Variants in LRATD1 observed in about 807,000 individuals in gnomAD.
LRATD1 encodes the protein LRAT domain containing 1.
LRATD1 carries 8 observed loss-of-function variants against 21.3 expected under a neutral mutation model. That is an observed-to-expected ratio of 0.38 (90% CI 0.22 to 0.68). The LOEUF is 0.68. LRATD1 is among the 30% of genes least tolerant of loss of function. The pLI is 0.54. For missense variants in LRATD1, 380 were observed against 404.0 expected, an observed-to-expected ratio of 0.94 and a Z score of 0.51; for synonymous variants, 210 against 186.2, an observed-to-expected ratio of 1.13 and a Z score of -1.04.
intron 4 of LRATD1, among the ~76,000 whole-genome samples, chr2:14,646,755 G>T (rs1671902889): frequency 1.3e-5 from 2 of 152,130 alleles, no homozygotes; most frequent in African/African-American, 4.8e-5. Flanking sequence ...CTGGATGAAG[G>T]ACCTATTTAC....
rs1295892068 is a variant in LRATD1, at chr2:14,633,451, AT to A, written c.-36-491del. On this transcript the variant is annotated intron_variant, in intron 1 of 1. Coordinates refer to ENST00000295092, the MANE Select transcript of LRATD1 (RefSeq NM_145175.4). This position sits in a 1 kb window ranked among gnomAD's most constrained non-coding sequence, Gnocchi z 7.5. ...AAGTGAATGCCTGAGAATGTGTCTG[AT>A]TGTCATTGTGCGAGCCGCTGTAAGG... is the stretch of plus-strand genomic sequence containing the variant. 2 of 158,860 alleles carry A rather than the reference AT, an allele frequency of 1.3e-5. No homozygotes were observed. The highest frequency in any genetic ancestry group is 1.4e-5 in the Non-Finnish European group (1 of 71,882). 9.8% of individuals were successfully genotyped at this position (158,860 alleles called of 1,614,324 possible).
At chr2:14,648,884 CT>C (rs1460815641) in intron 4 of LRATD1, among the ~76,000 whole-genome samples, 1 of 152,136 alleles carries the variant, frequency 6.6e-6, no homozygotes, top group Non-Finnish European at 1.5e-5. Context: ...CAAAACTATC[CT>C]GTTTTTTTGA....
intron 4 of LRATD1, among the ~76,000 whole-genome samples, chr2:14,648,726 C>T (rs1157414940): frequency 6.6e-6 from 1 of 152,134 alleles, no homozygotes; most frequent in African/African-American, 2.4e-5. Context: ...GATTCAGGAC[C>T]ACACTTTGAG....
chr2:14,634,774 C>T lies in LRATD1; in HGVS notation c.795C>T (p.Leu265=). 2 of 1,597,780 alleles carry T rather than the reference C, an allele frequency of 1.3e-6. No homozygotes were observed. Among genetic ancestry groups the T allele is most frequent in the Non-Finnish European group, 1.7e-6 (2 of 1,171,020 alleles). ...HTARFHSLED[L]IREKRRIDAS... is the part of the protein sequence containing the mutation. Reference sequence around the variant, plus strand: ...CCAGGTTTCACAGCCTGGAAGACCTCATCCGCGAGAAGCGCCGTATCGACG... The same window carrying T: ...CCAGGTTTCACAGCCTGGAAGACCTTATCCGCGAGAAGCGCCGTATCGACG... The change falls in exon 2 of 2, where the codon CTC becomes CTT. Residue 265 remains leucine, a synonymous_variant. Transcript: ENST00000295092.
downstream of LRATD1, among the ~76,000 whole-genome samples, chr2:14,644,919 A>AATT (rs1490012490): frequency 6.6e-6 from 1 of 152,194 alleles, no homozygotes; most frequent in Admixed American, 6.5e-5. Flanking sequence ...CCAAAGTAGA[A>AATT]ATAATAATTG....
chr2:14,632,910 T>C lies in LRATD1; in HGVS notation c.-64T>C, dbSNP rs575234118. ...GGGACCAGGAGACTTTAAAGGAGTTTGGGGTTTCGGGAGCAGGGAAATCAC... is the reference window on the plus strand; with the variant it reads ...GGGACCAGGAGACTTTAAAGGAGTTCGGGGTTTCGGGAGCAGGGAAATCAC... On this transcript the variant is annotated 5_prime_UTR_variant, in exon 1 of 2. Transcript: ENST00000295092. The C allele has an allele frequency of 6.6e-6, 1 of 152,662 alleles. No homozygotes were observed. The highest frequency in any genetic ancestry group is 1.9e-4 in the East Asian group (1 of 5,160). 9.5% of individuals were successfully genotyped at this position (152,662 alleles called of 1,614,324 possible). A position where few individuals can be genotyped will look rare whatever the true frequency, so the allele number is the denominator to read the frequency against.
Position 14,635,365 on chromosome 2 carries a change from G to T in LRATD1, c.*507G>T. 1 of 474,412 alleles carries T rather than the reference G, an allele frequency of 2.1e-6. No homozygotes were observed. Among genetic ancestry groups the T allele is most frequent in the Non-Finnish European group, 4.4e-6 (1 of 229,424 alleles). The allele number at this position is 474,412 out of a possible 1,614,324, so 29.4% of individuals were successfully genotyped here. A position where few individuals can be genotyped will look rare whatever the true frequency, so the allele number is the denominator to read the frequency against. On this transcript the variant is annotated 3_prime_UTR_variant, in exon 2 of 2. Transcript: ENST00000295092. ...CGTCCCCAGATCGCAGGATTTCCAA[G>T]AAATCGAGCCTGTCCCTTGTGCACT... is the stretch of plus-strand genomic sequence containing the variant.
downstream of LRATD1, among the ~76,000 whole-genome samples, chr2:14,643,448 A>G (rs557270387): frequency 9.2e-5 from 14 of 152,088 alleles, no homozygotes; most frequent in South Asian, 2.1e-4. Flanking sequence ...CCCTCCTCCA[A>G]CCTCAACACC....
exon 5 of LRATD1, chr2:14,649,411 A>G (rs758757992): frequency 1.5e-5 from 7 of 455,490 alleles, no homozygotes; most frequent in Non-Finnish European, 3.1e-5. Context: ...GACCTGGGTG[A>G]ATGTACTCTT....
Position 14,636,212 on chromosome 2 carries a change from A to T in LRATD1, c.*1354A>T, listed in dbSNP as rs914123703. The T allele has an allele frequency of 5.8e-6, 1 of 172,058 alleles. No homozygotes were observed. Among genetic ancestry groups the T allele is most frequent in the African/African-American group, 2.4e-5 (1 of 41,410 alleles). 10.7% of individuals were successfully genotyped at this position (172,058 alleles called of 1,614,324 possible). ...TCAACAGCAGCCCTAGTAATGGTGGAGTTGTTAATTAATGTGTATATTGTA... is the reference window on the plus strand; with the variant it reads ...TCAACAGCAGCCCTAGTAATGGTGGTGTTGTTAATTAATGTGTATATTGTA... On this transcript the variant is annotated 3_prime_UTR_variant, in exon 2 of 2. Coordinates refer to ENST00000295092, the MANE Select transcript of LRATD1 (RefSeq NM_145175.4).
downstream of LRATD1, among the ~76,000 whole-genome samples, chr2:14,651,477 AG>A (rs571652885): frequency 3.3e-5 from 5 of 152,256 alleles, no homozygotes; most frequent in South Asian, 1.0e-3. Flanking sequence ...TGCTTTCCAG[AG>A]TGATTCCTCC....
Position 14,638,788 on chromosome 2 carries a change from A to C in LRATD1, c.*3930A>C, listed in dbSNP as rs1447795604. The C allele has an allele frequency of 1.2e-5, 2 of 167,026 alleles. No homozygotes were observed. Among genetic ancestry groups the C allele is most frequent in the Non-Finnish European group, 2.9e-5 (2 of 68,096 alleles). The allele number at this position is 167,026 out of a possible 1,614,324, so 10.3% of individuals were successfully genotyped here. On this transcript the variant is annotated 3_prime_UTR_variant, in exon 2 of 2. Transcript: ENST00000295092. ...TCTCTTTTTTGAACAAATGAAGAGAATCCAGTTAGTTTTTGCCTTTCAGAG... is the reference window on the plus strand; with the variant it reads ...TCTCTTTTTTGAACAAATGAAGAGACTCCAGTTAGTTTTTGCCTTTCAGAG...
downstream of LRATD1, among the ~76,000 whole-genome samples, chr2:14,644,602 A>C (rs1285665638): frequency 6.6e-6 from 1 of 152,160 alleles, no homozygotes; most frequent in Non-Finnish European, 1.5e-5. Context: ...ACTTGTAGAC[A>C]TGGTCTTTGA....
At position 14,636,306 on chromosome 2, in the gene LRATD1, C is replaced by A. The variant is rs1671687631; in HGVS notation, c.*1448C>A. The stretch of plus-strand genomic sequence containing the variant: ...TGGTGGAAATTGCTAGCAGGTTCCA[C>A]GATGTTTATTTTTTTCTCCATGTTG... On this transcript the variant is annotated 3_prime_UTR_variant, in exon 2 of 2. Coordinates refer to ENST00000295092, the MANE Select transcript of LRATD1 (RefSeq NM_145175.4). 6.0e-6 allele frequency: 1 copy of A among 167,020 alleles called. No homozygotes were observed. Among genetic ancestry groups the A allele is most frequent in the Non-Finnish European group, 1.5e-5 (1 of 68,192 alleles). 10.3% of individuals were successfully genotyped at this position (167,020 alleles called of 1,614,324 possible). A position where few individuals can be genotyped will look rare whatever the true frequency, so the allele number is the denominator to read the frequency against.
intron 2 of LRATD1, among the ~76,000 whole-genome samples, chr2:14,645,347 C>G (rs10803752): frequency 0.49 from 74,629 of 152,020 alleles, 21,259 homozygotes; most frequent in African/African-American, 0.8. Context: ...ATAAGTTTGC[C>G]AAAATATCCA....
Position 14,633,846 on chromosome 2 carries a change from A to G in LRATD1, c.-36-98A>G. 1 of 1,199,522 alleles carries G rather than the reference A, an allele frequency of 8.3e-7. No individual in the cohort carries two copies. Among genetic ancestry groups the G allele is most frequent in the Non-Finnish European group, 1.2e-6 (1 of 865,824 alleles). The allele number at this position is 1,199,522 out of a possible 1,614,324, so 74.3% of individuals were successfully genotyped here. A position where few individuals can be genotyped will look rare whatever the true frequency, so the allele number is the denominator to read the frequency against. The stretch of plus-strand genomic sequence containing the variant: ...TGACTCCGGTGAGGGCACGTAAGCT[A>G]GCCGGCAGGTCCCAGGGGCACTGCA... On this transcript the variant is annotated intron_variant, in intron 1 of 1. Transcript: ENST00000295092. The surrounding 1 kb of genome is among the most constrained non-coding windows in gnomAD (Gnocchi z 7.5).
chr2:14,647,173 G>GCAAT (rs1671910833), intron 4 of LRATD1, among the ~76,000 whole-genome samples: 1 of 152,128 alleles, frequency 6.6e-6, no homozygotes, highest in South Asian at 2.1e-4. Flanking sequence ...TACATAAAAG[G>GCAAT]CAATCAGCAG....
At chr2:14,642,362 G>A (rs188423999), downstream of LRATD1, among the ~76,000 whole-genome samples, 1 of 152,240 alleles carries the variant, frequency 6.6e-6, no homozygotes, top group Admixed American at 6.5e-5. Context: ...CATTACTATG[G>A]AAATATAGAT....
downstream of LRATD1, among the ~76,000 whole-genome samples, chr2:14,640,647 T>A (rs1279339442): frequency 6.6e-6 from 1 of 152,190 alleles, no homozygotes; most frequent in African/African-American, 2.4e-5. Flanking sequence ...GACATTTACT[T>A]TAGCAAATAA....
Sources: gnomAD v4.1 joint callset for allele counts (sites outside exome capture counted in the v4.1 genomes callset) on GRCh38, gnomAD v4.1.1 for gene constraint, Gnocchi (gnomAD v3.1) non-coding constraint, MANE v1.5 for transcripts, NCBI Gene and HGNC (gene_info 2026-07-23, HGNC 2026-07-21) for gene names.